The following PIEZO2 variants were observed in gnomAD, a reference collection of about 807,000 sequenced individuals.
PIEZO2 encodes piezo-type mechanosensitive ion channel component 2.
In PIEZO2, 172 loss-of-function variants were observed where a neutral mutation model predicts 337.3. That is an observed-to-expected ratio of 0.51 (90% CI 0.45 to 0.58). The LOEUF is 0.58. Ranked by LOEUF, PIEZO2 falls within the 20% of genes least tolerant of loss-of-function variation. The probability of loss-of-function intolerance (pLI) is 0.00; values close to 1 mark genes in which losing one functional copy is unlikely to be tolerated. For missense variants in PIEZO2, 3,028 were observed against 3,391.3 expected, an observed-to-expected ratio of 0.89 and a Z score of 2.66; for synonymous variants, 1,251 against 1,228.5, an observed-to-expected ratio of 1.02 and a Z score of -0.38.
chr18:10,992,529 T>C (rs892831576), intron 2 of PIEZO2, among the ~76,000 whole-genome samples: 16 of 152,158 alleles, frequency 1.1e-4, no homozygotes, highest in African/African-American at 3.9e-4. Flanking sequence ...TTGTCAAAGA[T>C]CAGATGGTTG....
intron 8 of PIEZO2, 104 bp downstream of exon 8, chr18:10,807,008 G>T: frequency 8.5e-7 from 1 of 1,174,960 alleles, no homozygotes; most frequent in Non-Finnish European, 1.2e-6. Flanking sequence ...GAGTTGTGTT[G>T]GAATAGAGTA....
rs572462691 is a variant in PIEZO2 at position 10,903,189 on chromosome 18, C to G, written c.329+7997G>C. On this transcript the variant is annotated intron_variant, in intron 4 of 55. Coordinates refer to ENST00000674853, the MANE Select transcript of PIEZO2 (RefSeq NM_001378183.1). This position sits in a 1 kb window ranked among gnomAD's most constrained non-coding sequence, Gnocchi z 4.1. ...ATGCGTTTGGCATACATCTGCATGT[C>G]ACACTCACACTGTCCCTATCTTGGT... Among the ~76,000 whole-genome samples, 4 of 152,328 alleles carry G rather than the reference C, an allele frequency of 2.6e-5. No individual in the cohort carries two copies. The East Asian group carries it at 7.7e-4, about 29-fold the overall frequency.
rs2033450790 is a variant in PIEZO2 at position 10,954,873 on chromosome 18, C to T, written c.286+24662G>A. Among the ~76,000 whole-genome samples the T allele has an allele frequency of 6.6e-6, 1 of 152,154 alleles. No homozygotes were observed. Among genetic ancestry groups the T allele is most frequent in the Non-Finnish European group, 1.5e-5 (1 of 68,022 alleles). On this transcript the variant is annotated intron_variant, in intron 3 of 55. Transcript: ENST00000674853. The surrounding 1 kb of genome is among the most constrained non-coding windows in gnomAD (Gnocchi z 4.2). ...TTAGTAATGTTTTCCTTGATCTCCCCAGAAAAGTATAAACTTCAGGAGATT... is the reference window on the plus strand; with the variant it reads ...TTAGTAATGTTTTCCTTGATCTCCCTAGAAAAGTATAAACTTCAGGAGATT...
chr18:11,004,551 G>A (rs2035655106), intron 2 of PIEZO2, among the ~76,000 whole-genome samples: 1 of 152,220 alleles, frequency 6.6e-6, no homozygotes, highest in South Asian at 2.1e-4. Flanking sequence ...TTGCCTTAGG[G>A]AGTTAGTTTA....
intron 14 of PIEZO2, among the ~76,000 whole-genome samples, chr18:10,789,764 G>A (rs1250203097): frequency 6.6e-6 from 1 of 152,038 alleles, no homozygotes; most frequent in Non-Finnish European, 1.5e-5. Context: ...ACTAAATGTG[G>A]TTAATGCTAA....
rs138061708 is a variant in PIEZO2, at chr18:10,883,976, A to C, written c.330-12561T>G. Among the ~76,000 whole-genome samples, 21 of 151,772 alleles carry C rather than the reference A, an allele frequency of 1.4e-4. No homozygotes were observed. In the East Asian group the frequency reaches 4.1e-3, roughly 30 times the overall value. ...CAGGTGCCCGCCACCATGCCTGGCT[A>C]ATTTTTTTGTATTTTTAGTAGATAC... On this transcript the variant is annotated intron_variant, in intron 4 of 55. Transcript: ENST00000674853.
At chr18:11,076,075 C>T (rs1450297950) in intron 1 of PIEZO2, among the ~76,000 whole-genome samples, 7 of 152,134 alleles carry the variant, frequency 4.6e-5, no homozygotes, top group African/African-American at 1.4e-4. Flanking sequence ...CGTGAGCCAC[C>T]GTGCCCGGCC....
At chr18:10,785,740 C>T (rs1568055577) in intron 16 of PIEZO2, among the ~76,000 whole-genome samples, 1 of 152,136 alleles carries the variant, frequency 6.6e-6, no homozygotes, top group Non-Finnish European at 1.5e-5. Flanking sequence ...CTGCCTCCAC[C>T]AAATCTAGGG....
chr18:10,731,079 T>G (rs2036750166), intron 36 of PIEZO2, among the ~76,000 whole-genome samples: 1 of 151,492 alleles, frequency 6.6e-6, no homozygotes, highest in Non-Finnish European at 1.5e-5. Flanking sequence ...CCTGTAGTAT[T>G]TCTTTTTTTT....
intron 5 of PIEZO2, among the ~76,000 whole-genome samples, chr18:10,867,669 C>A (rs1269795575): frequency 6.6e-6 from 1 of 152,042 alleles, no homozygotes; most frequent in East Asian, 1.9e-4. Flanking sequence ...AAAAGAAAGG[C>A]CTCAAATCTC....
intron 4 of PIEZO2, among the ~76,000 whole-genome samples, chr18:10,879,050 C>T (rs562930113): frequency 5.8e-4 from 88 of 152,258 alleles, no homozygotes; most frequent in African/African-American, 1.8e-3. Flanking sequence ...CATGTGTTAG[C>T]TAAAGTCAAG....
chr18:10,711,984 T>G (rs561655883), intron 39 of PIEZO2, among the ~76,000 whole-genome samples: 47 of 99,390 alleles, frequency 4.7e-4, no homozygotes, highest in African/African-American at 1.4e-3. Context: ...CAAAAATAAA[T>G]GAACAAACAA....
At chr18:10,675,414 A>G in intron 53 of PIEZO2, 126 bp from the exon 54 acceptor site, 1 of 480,254 alleles carries the variant, frequency 2.1e-6, no homozygotes, top group Non-Finnish European at 3.6e-6. Context: ...TATCTGTACA[A>G]TGTGTAGACA....
At chr18:10,995,793 C>A (rs899095699) in intron 2 of PIEZO2, among the ~76,000 whole-genome samples, 1 of 152,102 alleles carries the variant, frequency 6.6e-6, no homozygotes, top group Non-Finnish European at 1.5e-5. Context: ...TGCCATGGGG[C>A]CACTATGCTG....
rs1196393396 is a variant in PIEZO2, at chr18:11,105,282, A to G, written c.65-39060T>C. Among the ~76,000 whole-genome samples, 2 of 152,210 alleles carry G rather than the reference A, an allele frequency of 1.3e-5. No individual in the cohort carries two copies. Among genetic ancestry groups the G allele is most frequent in the Non-Finnish European group, 2.9e-5 (2 of 68,034 alleles). On this transcript the variant is annotated intron_variant, in intron 1 of 55. Coordinates refer to ENST00000674853, the MANE Select transcript of PIEZO2 (RefSeq NM_001378183.1). The surrounding 1 kb of genome is among the most constrained non-coding windows in gnomAD (Gnocchi z 4.3). ...AAACCAATATGGACTCACAACGCCC[A>G]TTTGACACACTCAGTGCCTTGGCTG...
At chr18:11,068,835 A>T (rs1000809362) in intron 1 of PIEZO2, among the ~76,000 whole-genome samples, 6 of 152,122 alleles carry the variant, frequency 3.9e-5, no homozygotes, top group Non-Finnish European at 8.8e-5. Context: ...ATGAAAGAGG[A>T]GACATTACCA....
Position 11,105,174 on chromosome 18 carries a change from A to G in PIEZO2, c.65-38952T>C, listed in dbSNP as rs1490684501. On this transcript the variant is annotated intron_variant, in intron 1 of 55. Transcript: ENST00000674853. This position sits in a 1 kb window ranked among gnomAD's most constrained non-coding sequence, Gnocchi z 4.3. The stretch of plus-strand genomic sequence containing the variant: ...CCTTGCCATGATGGAGGAAGTATCA[A>G]TAAATCGCCCATTTTCTTTGACCAC... 6.6e-6 allele frequency among the ~76,000 whole-genome samples: 1 copy of G among 152,148 alleles called. No homozygotes were observed. Among genetic ancestry groups the G allele is most frequent in the Non-Finnish European group, 1.5e-5 (1 of 68,046 alleles).
intron 18 of PIEZO2, among the ~76,000 whole-genome samples, chr18:10,777,765 G>A (rs1051703577): frequency 3.3e-5 from 5 of 152,168 alleles, no homozygotes; most frequent in Non-Finnish European, 5.9e-5. Flanking sequence ...TAGCAGAAAG[G>A]TGACTTGCAC....
Position 11,111,907 on chromosome 18 carries a change from T to C in PIEZO2, c.64+36618A>G, listed in dbSNP as rs2039749295. ...AAATAACAATGTGTCTCTTTTAAGA[T>C]AAAACACAAGATCTCAAAGAAACGA... On this transcript the variant is annotated intron_variant, in intron 1 of 55. Coordinates refer to ENST00000674853, the MANE Select transcript of PIEZO2 (RefSeq NM_001378183.1). This position sits in a 1 kb window ranked among gnomAD's most constrained non-coding sequence, Gnocchi z 6.2. 6.6e-6 allele frequency among the ~76,000 whole-genome samples: 1 copy of C among 152,218 alleles called. No individual in the cohort carries two copies. The highest frequency in any genetic ancestry group is 6.5e-5 in the Admixed American group (1 of 15,280).
Sources: gnomAD v4.1 joint callset for allele counts (sites outside exome capture counted in the v4.1 genomes callset) on GRCh38, gnomAD v4.1.1 for gene constraint, Gnocchi (gnomAD v3.1) non-coding constraint, MANE v1.5 for transcripts, NCBI Gene and HGNC (gene_info 2026-07-23, HGNC 2026-07-21) for gene names.